Variants in LRBA observed in about 807,000 individuals in gnomAD.
The protein encoded by LRBA is LPS responsive beige-like anchor protein, also known as lipopolysaccharide-responsive and beige-like anchor protein.
LRBA carries 176 observed loss-of-function variants against 330.0 expected under a neutral mutation model. That is an observed-to-expected ratio of 0.53 (90% CI 0.47 to 0.60). The LOEUF (loss-of-function observed/expected upper bound fraction) is 0.60. Ranked by LOEUF, LRBA falls within the 20% of genes least tolerant of loss-of-function variation. LRBA has a pLI of 0.00. For synonymous variants in LRBA, 1,230 were observed against 1,193.0 expected, an observed-to-expected ratio of 1.03 and a Z score of -0.64; for missense variants, 3,259 against 3,444.8, an observed-to-expected ratio of 0.95 and a Z score of 1.35.
chr4:150,358,438 T>C (rs992139823), intron 47 of LRBA, among the ~76,000 whole-genome samples: 1 of 152,108 alleles, frequency 6.6e-6, no homozygotes, highest in African/African-American at 2.4e-5. Flanking sequence ...CTCACATAGA[T>C]AAATATGCAT....
At chr4:150,833,560 A>G (rs1747530057) in intron 28 of LRBA, among the ~76,000 whole-genome samples, 1 of 152,166 alleles carries the variant, frequency 6.6e-6, no homozygotes, top group South Asian at 2.1e-4. Flanking sequence ...ACTATACTGT[A>G]ATCTATTAAT....
rs757831937 is a variant in LRBA, at chr4:150,265,718, AC to A, written c.*3del. 3 of 1,596,188 alleles carry A rather than the reference AC, an allele frequency of 1.9e-6. No individual in the cohort carries two copies. Among genetic ancestry groups the A allele is most frequent in the Non-Finnish European group, 1.7e-6 (2 of 1,163,574 alleles). On this transcript the variant is annotated 3_prime_UTR_variant, in exon 57 of 57. Transcript: ENST00000651943. ...GGGGCAGAGTTGATGTACAGCTGTC[AC>A]CATCAGTAGCGGGTTTGGTATTCAT...
chr4:150,419,414 T>C (rs944973244), intron 46 of LRBA, among the ~76,000 whole-genome samples: 6 of 152,036 alleles, frequency 3.9e-5, no homozygotes, highest in Non-Finnish European at 5.9e-5. Flanking sequence ...GAAGGCTAGT[T>C]TTCTAGGTAT....
intron 53 of LRBA, among the ~76,000 whole-genome samples, chr4:150,298,826 C>G (rs1334028479): frequency 6.6e-6 from 1 of 152,048 alleles, no homozygotes; most frequent in African/African-American, 2.4e-5. Flanking sequence ...TACTGAAATA[C>G]TACACACACA....
intron 56 of LRBA, among the ~76,000 whole-genome samples, chr4:150,277,621 T>C (rs1357227691): frequency 1.3e-5 from 2 of 152,092 alleles, no homozygotes; most frequent in Non-Finnish European, 2.9e-5. Context: ...CATCAGCCCA[T>C]TTAAATAAAT....
intron 47 of LRBA, among the ~76,000 whole-genome samples, chr4:150,358,874 C>T (rs2151837485): frequency 6.6e-6 from 1 of 152,160 alleles, no homozygotes; most frequent in East Asian, 1.9e-4. Flanking sequence ...GATGGCCAGA[C>T]CAGAATCTCT....
chr4:150,816,561 G>A (rs1744622651), intron 31 of LRBA, among the ~76,000 whole-genome samples: 1 of 151,696 alleles, frequency 6.6e-6, no homozygotes, highest in Non-Finnish European at 1.5e-5. Context: ...AGGAGAGATG[G>A]ACAAAAATAA....
intron 37 of LRBA, among the ~76,000 whole-genome samples, chr4:150,676,598 G>A (rs1304795748): frequency 1.3e-5 from 2 of 152,116 alleles, no homozygotes; most frequent in Admixed American, 6.6e-5. Flanking sequence ...TCAAGGCTGG[G>A]CTAAATTATT....
chr4:150,341,496 C>T (rs527548178), intron 48 of LRBA, among the ~76,000 whole-genome samples: 2 of 152,142 alleles, frequency 1.3e-5, no homozygotes, highest in African/African-American at 4.8e-5. Flanking sequence ...CTCTCCCTTC[C>T]TACCACACGA....
chr4:150,276,610 C>A (rs1580870455), intron 56 of LRBA, among the ~76,000 whole-genome samples: 1 of 152,116 alleles, frequency 6.6e-6, no homozygotes, highest in Non-Finnish European at 1.5e-5. Flanking sequence ...AAAAAGTGGG[C>A]AAAAGATATG....
chr4:150,891,343 A>G (rs1317257291), intron 17 of LRBA, among the ~76,000 whole-genome samples: 1 of 152,246 alleles, frequency 6.6e-6, no homozygotes, highest in Non-Finnish European at 1.5e-5. Context: ...AACTATAAAT[A>G]AATAACAAAC....
intron 37 of LRBA, among the ~76,000 whole-genome samples, chr4:150,664,553 T>G (rs1311305622): frequency 6.6e-6 from 1 of 152,176 alleles, no homozygotes; most frequent in Non-Finnish European, 1.5e-5. Context: ...AAAGTATATA[T>G]AATCCAAAAA....
intron 47 of LRBA, among the ~76,000 whole-genome samples, chr4:150,385,120 A>C (rs1742872255): frequency 6.6e-6 from 1 of 152,200 alleles, no homozygotes; most frequent in Non-Finnish European, 1.5e-5. Context: ...TGTGTATTCG[A>C]ATCATTGTAT....
chr4:150,302,286 G>A (rs551285180), intron 53 of LRBA, among the ~76,000 whole-genome samples: 248 of 152,142 alleles, frequency 1.6e-3, no homozygotes, highest in Admixed American at 2.7e-3. Flanking sequence ...TTTAAAATAT[G>A]AATTCAATAA....
chr4:150,472,340 T>A (rs1041462963), intron 42 of LRBA, among the ~76,000 whole-genome samples: 2 of 152,028 alleles, frequency 1.3e-5, no homozygotes, highest in Non-Finnish European at 2.9e-5. Flanking sequence ...GAGAAACAGA[T>A]GGCAGAATTA....
intron 40 of LRBA, among the ~76,000 whole-genome samples, chr4:150,519,975 C>T (rs1320837032): frequency 1.3e-5 from 2 of 152,176 alleles, no homozygotes; most frequent in Admixed American, 6.5e-5. Context: ...GGCCACTCAC[C>T]TGCCTTCCTT....
intron 47 of LRBA, among the ~76,000 whole-genome samples, chr4:150,358,764 A>C (rs577965895): frequency 1.3e-5 from 2 of 152,200 alleles, no homozygotes; most frequent in African/African-American, 2.4e-5. Flanking sequence ...TTATATAGTC[A>C]GTTACAAAAG....
chr4:150,301,596 TG>T (rs11345293), intron 53 of LRBA, among the ~76,000 whole-genome samples: 26,426 of 151,994 alleles, frequency 0.17, 2,761 homozygotes, highest in East Asian at 0.26. Flanking sequence ...CTAAATGTTT[TG>T]AAAAAAAGGT....
intron 37 of LRBA, among the ~76,000 whole-genome samples, chr4:150,628,933 T>C (rs1777107690): frequency 6.6e-6 from 1 of 152,218 alleles, no homozygotes; most frequent in Non-Finnish European, 1.5e-5. Context: ...AAAGGGTCTC[T>C]GTCACCCAAG....
Sources: gnomAD v4.1 joint callset for allele counts (sites outside exome capture counted in the v4.1 genomes callset) on GRCh38, gnomAD v4.1.1 for gene constraint, MANE v1.5 for transcripts, NCBI Gene and HGNC (gene_info 2026-07-23, HGNC 2026-07-21) for gene names.